FAM227B: variants seen among roughly 807,000 people sequenced by gnomAD.
FAM227B encodes the protein family with sequence similarity 227 member B, also known as protein FAM227B.
In FAM227B, 88 loss-of-function variants were observed where a neutral mutation model predicts 73.8. The ratio of observed to expected loss-of-function variants is 1.19; its 90% CI spans 1.00 to 1.42. The LOEUF (loss-of-function observed/expected upper bound fraction) is 1.42, where lower values mean the gene tolerates loss of function less well. Ranked by LOEUF, FAM227B falls within the 40% of genes most tolerant of loss-of-function variation. The pLI, the probability that FAM227B is intolerant of heterozygous loss-of-function variation, is 0.00. For synonymous variants in FAM227B, 210 were observed against 190.5 expected (o/e 1.10, Z -0.84); for missense variants, 632 against 590.9 (o/e 1.07, Z -0.72).
At chr15:49,468,835 C>T (rs570122151) in intron 11 of FAM227B, among the ~76,000 whole-genome samples, 9 of 152,244 alleles carry the variant, frequency 5.9e-5, no homozygotes, top group Admixed American at 2.6e-4. Context: ...GTTTGTCTTC[C>T]GTGTTAAGCA....
At chr15:49,613,641 C>T (rs970119044) in intron 2 of FAM227B, among the ~76,000 whole-genome samples, 1 of 152,112 alleles carries the variant, frequency 6.6e-6, no homozygotes, top group Non-Finnish European at 1.5e-5. Flanking sequence ...ATGTCTACAA[C>T]ATAAATAAGT....
chr15:49,561,448 G>C (rs1347719999), intron 9 of FAM227B, among the ~76,000 whole-genome samples: 1 of 152,110 alleles, frequency 6.6e-6, no homozygotes, highest in Non-Finnish European at 1.5e-5. Context: ...GACAGCATTA[G>C]ACAGATCATC....
intron 11 of FAM227B, among the ~76,000 whole-genome samples, chr15:49,385,485 A>C (rs1435106239): frequency 6.6e-6 from 1 of 151,804 alleles, no homozygotes; most frequent in African/African-American, 2.4e-5. Context: ...AATGGTAATC[A>C]ATATTGTTAT....
intron 9 of FAM227B, 99 bp from the exon 10 acceptor site, chr15:49,541,905 T>C: frequency 1.0e-6 from 1 of 957,064 alleles, no homozygotes; most frequent in African/African-American, 1.7e-5. Context: ...TGCCTTGCAA[T>C]TTATTAACCG....
chr15:49,581,555 T>A (rs1054941133), intron 5 of FAM227B, among the ~76,000 whole-genome samples: 1 of 152,104 alleles, frequency 6.6e-6, no homozygotes, highest in Admixed American at 6.5e-5. Flanking sequence ...TGAACTCATG[T>A]GATCTACCTG....
At chr15:49,566,552 C>A (rs1289746059) in intron 9 of FAM227B, among the ~76,000 whole-genome samples, 1 of 152,050 alleles carries the variant, frequency 6.6e-6, no homozygotes, top group East Asian at 1.9e-4. Flanking sequence ...TAATTTTTTT[C>A]TTTCTTAAAT....
At chr15:49,575,301 T>A (rs2075378262) in intron 7 of FAM227B, among the ~76,000 whole-genome samples, 192 bp from the exon 8 acceptor site, 1 of 152,042 alleles carries the variant, frequency 6.6e-6, no homozygotes, top group Admixed American at 6.5e-5. Context: ...AAAGTGAAAT[T>A]AATTTTAGTG....
chr15:49,610,183 G>C (rs551164361), intron 3 of FAM227B, among the ~76,000 whole-genome samples: 1 of 151,878 alleles, frequency 6.6e-6, no homozygotes, highest in African/African-American at 2.4e-5. Flanking sequence ...TAATAATACA[G>C]TCTCCATTAT....
At chr15:49,381,901 T>A (rs933866727) in intron 11 of FAM227B, among the ~76,000 whole-genome samples, 1 of 152,142 alleles carries the variant, frequency 6.6e-6, no homozygotes, top group East Asian at 1.9e-4. Context: ...CAATAAAATA[T>A]TTTAAAATCT....
intron 11 of FAM227B, among the ~76,000 whole-genome samples, chr15:49,471,534 T>TAC (rs1434567116): frequency 7.2e-6 from 1 of 139,860 alleles, no homozygotes; most frequent in Non-Finnish European, 1.5e-5. Flanking sequence ...AATAATAATA[T>TAC]GGCAAATGTA....
chr15:49,336,228 G>T (rs2151183285), intron 13 of FAM227B, among the ~76,000 whole-genome samples: 1 of 152,360 alleles, frequency 6.6e-6, no homozygotes, highest in South Asian at 2.1e-4. Flanking sequence ...CCAGAAGAAA[G>T]GTGGTAATCA....
intron 11 of FAM227B, among the ~76,000 whole-genome samples, chr15:49,499,842 G>A (rs377132561): frequency 1.3e-5 from 2 of 152,164 alleles, no homozygotes; most frequent in East Asian, 3.9e-4. Context: ...ATATAATTAA[G>A]AAAAATTACT....
chr15:49,455,183 C>T (rs561655716), intron 11 of FAM227B, among the ~76,000 whole-genome samples: 4 of 152,254 alleles, frequency 2.6e-5, no homozygotes, highest in African/African-American at 9.6e-5. Context: ...ATGTGACAGG[C>T]ACCTCAAGTC....
At chr15:49,585,914 A>G (rs541014278) in intron 5 of FAM227B, among the ~76,000 whole-genome samples, 22 of 152,276 alleles carry the variant, frequency 1.4e-4, no homozygotes, top group African/African-American at 5.3e-4. Flanking sequence ...CATGCTCGTG[A>G]ACAGGAAGAA....
At position 49,441,981 on chromosome 15, in the gene FAM227B, C is replaced by T. The variant is rs1219953253; in HGVS notation, c.1012+66230G>A. On this transcript the variant is annotated intron_variant, in intron 11 of 15. Coordinates refer to ENST00000299338, the MANE Select transcript of FAM227B (RefSeq NM_152647.3). ...CTGTCTGGCTAGAGCTCCTTGAGGG[C>T]GGGGAACTTTTCTTTTTCATCTTTT... is the stretch of plus-strand genomic sequence containing the variant. Among the ~76,000 whole-genome samples, 6 of 150,992 alleles carry T rather than the reference C, an allele frequency of 4.0e-5. No homozygotes were observed. In the East Asian group the frequency reaches 5.9e-4, roughly 15 times the overall value.
At chr15:49,436,334 T>A (rs1567271600) in intron 11 of FAM227B, among the ~76,000 whole-genome samples, 1 of 151,624 alleles carries the variant, frequency 6.6e-6, no homozygotes, top group Non-Finnish European at 1.5e-5. Context: ...GAGTCCATTG[T>A]GTGATTAACA....
At chr15:49,382,566 A>T (rs528478974) in intron 11 of FAM227B, among the ~76,000 whole-genome samples, 13 of 152,130 alleles carry the variant, frequency 8.5e-5, no homozygotes, top group Non-Finnish European at 1.5e-4. Context: ...CAAAAGTAGC[A>T]TGCAATTTAA....
chr15:49,568,625 G>GATC (rs1195268061), intron 8 of FAM227B, among the ~76,000 whole-genome samples: 1 of 151,916 alleles, frequency 6.6e-6, no homozygotes, highest in Admixed American at 6.6e-5. Flanking sequence ...TAAGGACAGG[G>GATC]ATCATATTTT....
At chr15:49,360,344 C>T (rs1002086465) in intron 13 of FAM227B, among the ~76,000 whole-genome samples, 1 of 151,864 alleles carries the variant, frequency 6.6e-6, no homozygotes, top group African/African-American at 2.4e-5. Context: ...TTTTTCTAAA[C>T]TGCAACAAAA....
Sources: allele counts gnomAD v4.1 joint callset (sites outside exome capture counted in the v4.1 genomes callset), GRCh38; gene constraint gnomAD v4.1.1; transcripts MANE v1.5; gene names NCBI Gene and HGNC (gene_info 2026-07-23, HGNC 2026-07-21).